ABL1: variants seen among roughly 807,000 people sequenced by gnomAD.
ABL1 encodes tyrosine-protein kinase ABL1.
A neutral mutation model predicts 94.7 loss-of-function variants in ABL1; 11 were observed. The ratio of observed to expected loss-of-function variants is 0.12; its 90% CI spans 0.07 to 0.19. ABL1 has a LOEUF of 0.19. Ranked by LOEUF, ABL1 falls within the 10% of genes least tolerant of loss-of-function variation. ABL1 has a pLI of 1.00. For synonymous variants in ABL1, 656 were observed against 622.4 expected (o/e 1.05, Z -0.80); for missense variants, 1,082 against 1,489.4 (o/e 0.73, Z 4.50).
intron 1 of ABL1, among the ~76,000 whole-genome samples, chr9:130,781,414 C>A (rs113001839): frequency 6.6e-6 from 1 of 152,142 alleles, no homozygotes; most frequent in Non-Finnish European, 1.5e-5. Flanking sequence ...GGACTCCTCC[C>A]GCAATGTCAC....
At chr9:130,717,638 G>A (rs927448326) in intron 1 of ABL1, among the ~76,000 whole-genome samples, 1 of 151,488 alleles carries the variant, frequency 6.6e-6, no homozygotes, top group East Asian at 1.9e-4. Flanking sequence ...GGCAATAGAG[G>A]GAGACCGTGT....
At chr9:130,833,474 G>T (rs1830517968), upstream of ABL1, among the ~76,000 whole-genome samples, 1 of 152,210 alleles carries the variant, frequency 6.6e-6, no homozygotes, top group Non-Finnish European at 1.5e-5. Context: ...CTGTCCAGCA[G>T]AATGACAGCG....
intron 1 of ABL1, among the ~76,000 whole-genome samples, chr9:130,764,048 G>A (rs528969515): frequency 5.3e-5 from 8 of 152,172 alleles, no homozygotes; most frequent in African/African-American, 1.4e-4. Context: ...CTGAGTGGGC[G>A]TTTGGGAGGT....
intron 3 of ABL1, among the ~76,000 whole-genome samples, chr9:130,861,676 C>G (rs1347625495): frequency 6.6e-6 from 1 of 152,184 alleles, no homozygotes; most frequent in Non-Finnish European, 1.5e-5. Context: ...CTTCCCACAT[C>G]TTTGCAGTTT....
upstream of ABL1, among the ~76,000 whole-genome samples, chr9:130,834,505 A>G (rs780887971): frequency 6.6e-6 from 1 of 152,186 alleles, no homozygotes; most frequent in Non-Finnish European, 1.5e-5. Context: ...TAATTGAATG[A>G]AATGGATTTT....
At chr9:130,821,635 G>A (rs1830364134) in intron 1 of ABL1, among the ~76,000 whole-genome samples, 1 of 149,676 alleles carries the variant, frequency 6.7e-6, no homozygotes, top group Non-Finnish European at 1.5e-5. Context: ...TTTCTCTAGG[G>A]TAGATTTCTA....
intron 1 of ABL1, among the ~76,000 whole-genome samples, chr9:130,722,266 G>A (rs759727739): frequency 3.3e-5 from 5 of 152,062 alleles, no homozygotes; most frequent in Non-Finnish European, 5.9e-5. Context: ...GGTGGCATAT[G>A]CCTGTAATCC....
chr9:130,772,337 C>G (rs916392413), intron 1 of ABL1, among the ~76,000 whole-genome samples: 1 of 152,194 alleles, frequency 6.6e-6, no homozygotes, highest in African/African-American at 2.4e-5. Flanking sequence ...CAAGTATTTA[C>G]TGTTTGTCCA....
At chr9:130,765,375 T>C (rs1255736378) in intron 1 of ABL1, among the ~76,000 whole-genome samples, 1 of 152,168 alleles carries the variant, frequency 6.6e-6, no homozygotes, top group Admixed American at 6.5e-5. Context: ...GGAAATCCTG[T>C]CTACATGGAA....
At chr9:130,808,237 TCTTCTTCTTC>T (rs1309800409) in intron 1 of ABL1, among the ~76,000 whole-genome samples, 16 of 141,730 alleles carry the variant, frequency 1.1e-4, no homozygotes, top group African/African-American at 4.3e-4. Context: ...TTCTTCTTCT[TCTTCTTCTTC>T]TTTTTTTTTT....
chr9:130,771,240 G>GTGTGTA (rs561434382), intron 1 of ABL1, among the ~76,000 whole-genome samples: 1 of 151,694 alleles, frequency 6.6e-6, no homozygotes, highest in African/African-American at 2.4e-5. Context: ...ATGTGTGTGT[G>GTGTGTA]TGTATGTATG....
chr9:130,760,943 C>CTTT (rs35842480), intron 1 of ABL1, among the ~76,000 whole-genome samples: 204 of 85,238 alleles, frequency 2.4e-3, no homozygotes, highest in African/African-American at 4.0e-3. Context: ...CCCGCCCCTG[C>CTTT]TTTTTTTTTT....
At chr9:130,764,282 C>G (rs904908333) in intron 1 of ABL1, among the ~76,000 whole-genome samples, 1 of 152,140 alleles carries the variant, frequency 6.6e-6, no homozygotes, top group Admixed American at 6.5e-5. Context: ...TTCTGGAGTG[C>G]GTTTCTTCTG....
intron 1 of ABL1, among the ~76,000 whole-genome samples, chr9:130,837,955 C>CATA (rs1335050852): frequency 6.6e-6 from 1 of 152,198 alleles, no homozygotes; most frequent in Admixed American, 6.5e-5. Flanking sequence ...AAGCTTCCAC[C>CATA]ATAAATGTGG....
intron 1 of ABL1, among the ~76,000 whole-genome samples, chr9:130,813,561 C>CAAAAAAAAAAAAAA (rs57194587): frequency 1.6e-5 from 1 of 60,642 alleles, no homozygotes; most frequent in Non-Finnish European, 3.2e-5. Context: ...ACTCCATCTC[C>CAAAAAAAAAAAAAA]AAAAAAAAAA....
In ABL1 at chr9:130,835,951, G is replaced by A. The variant is rs111927203; in HGVS notation, c.79+426G>A. ...GGCCTTAACATCCCTGGGATCCCAC[G>A]TTGTGGAATTTCCACCGTTAATTGG... On this transcript the variant is annotated intron_variant, in intron 1 of 10. Coordinates refer to ENST00000318560, the MANE Select transcript of ABL1 (RefSeq NM_005157.6). The surrounding 1 kb of genome is among the most constrained non-coding windows in gnomAD (Gnocchi z 4.6). Among the ~76,000 whole-genome samples, 1 of 152,198 alleles carries A rather than the reference G, an allele frequency of 6.6e-6. No individual in the cohort carries two copies. Among genetic ancestry groups the A allele is most frequent in the East Asian group, 1.9e-4 (1 of 5,186 alleles).
At chr9:130,769,329 C>CTTTTTTTTTTTTTT (rs372838676) in intron 1 of ABL1, among the ~76,000 whole-genome samples, 20 of 84,318 alleles carry the variant, frequency 2.4e-4, no homozygotes, top group African/African-American at 8.4e-4. Context: ...TGGCCCTAGT[C>CTTTTTTTTTTTTTT]TTTTTTTTTT....
At position 130,884,302 on chromosome 9, in the gene ABL1, G is replaced by C; in HGVS notation, c.2012G>C (p.Gly671Ala). ...AGCAATGGGGCTGGGGTCCCCAATG[G>C]AGCCCTCCGGGAGTCCGGGGGCTCA... ...KPSNGAGVPN[G>A]ALRESGGSGF... is the part of the protein sequence containing the mutation. The change falls in exon 11 of 11, where the codon GGA becomes GCA. Residue 671 changes from glycine to alanine, a missense_variant. Gly to Ala is a moderately conservative substitution (Grantham distance 60, BLOSUM62 0). Transcript: ENST00000318560. This position sits in a 1 kb window ranked among gnomAD's most constrained non-coding sequence, Gnocchi z 5.6. 1 of 1,609,360 alleles carries C rather than the reference G, an allele frequency of 6.2e-7. No individual in the cohort carries two copies. The highest frequency in any genetic ancestry group is 8.5e-7 in the Non-Finnish European group (1 of 1,178,024).
At position 130,884,026 on chromosome 9, in the gene ABL1, C is replaced by T. The variant is rs587778013; in HGVS notation, c.1736C>T (p.Pro579Leu). ...SPLLPRKERG[P>L]PEGGLNEDER... ...TTGCTCCCTCGAAAAGAGCGAGGTC[C>T]CCCGGAGGGCGGCCTGAATGAAGAT... Residue 579 changes from proline to leucine, a missense_variant, in exon 11 of 11, where the codon CCC becomes CTC. Pro to Leu is a moderately conservative substitution (Grantham distance 98). This residue lies in a region of ABL1 where 780 missense variants were observed against 835.8 expected (regional missense o/e 0.93). Transcript: ENST00000318560. This position sits in a 1 kb window ranked among gnomAD's most constrained non-coding sequence, Gnocchi z 5.6. The T allele has an allele frequency of 1.2e-6, 2 of 1,613,756 alleles. No homozygotes were observed. The highest frequency in any genetic ancestry group is 8.5e-7 in the Non-Finnish European group (1 of 1,180,042).
Sources: allele counts gnomAD v4.1 joint callset (sites outside exome capture counted in the v4.1 genomes callset), GRCh38; gene constraint gnomAD v4.1.1; regional missense constraint gnomAD v4.1.1; non-coding constraint Gnocchi (gnomAD v3.1); transcripts MANE v1.5; gene names NCBI Gene and HGNC (gene_info 2026-07-23, HGNC 2026-07-21).